AVP: variants seen among roughly 807,000 people sequenced by gnomAD.
AVP encodes vasopressin-neurophysin 2-copeptin.
A neutral mutation model predicts 11.1 loss-of-function variants in AVP; 9 were observed. The observed-to-expected ratio is 0.81, with a 90% CI of 0.49 to 1.42. The LOEUF is 1.42. Among genes scored for constraint, AVP ranks in the 40% most tolerant of loss-of-function variants. AVP has a pLI of 0.00. For missense variants in AVP, 206 were observed against 238.5 expected (o/e 0.86, Z 0.90); for synonymous variants, 106 against 111.3 (o/e 0.95, Z 0.30).
chr20:3,084,092 A>C (rs1051356416), intron 1 of AVP, among the ~76,000 whole-genome samples: 2 of 152,206 alleles, frequency 1.3e-5, no homozygotes, highest in African/African-American at 4.8e-5. Flanking sequence ...AAGCGCGCTC[A>C]GACCAGTGGC....
In AVP at chr20:3,083,219, G is replaced by T; in HGVS notation, c.121-41C>A. The T allele has an allele frequency of 7.0e-7, 1 of 1,434,202 alleles. No homozygotes were observed. Among genetic ancestry groups the T allele is most frequent in the Non-Finnish European group, 9.1e-7 (1 of 1,093,394 alleles). 88.8% of individuals were successfully genotyped at this position (1,434,202 alleles called of 1,614,324 possible). ...GGGTGAGCGGGAGGAGGGGAGCCGG[G>T]AGTCGAGGGGTTGGAGGGGAACGCA... is the stretch of plus-strand genomic sequence containing the variant. On this transcript the variant is annotated intron_variant, in intron 1 of 2. Transcript: ENST00000380293. The surrounding 1 kb of genome is among the most constrained non-coding windows in gnomAD (Gnocchi z 5.4).
chr20:3,082,634 T>G lies in AVP; in HGVS notation c.491A>C (p.Tyr164Ser). The G allele has an allele frequency of 7.9e-7, 1 of 1,264,384 alleles. No homozygotes were observed. The allele number at this position is 1,264,384 out of a possible 1,614,324, so 78.3% of individuals were successfully genotyped here. A position where few individuals can be genotyped will look rare whatever the true frequency, so the allele number is the denominator to read the frequency against. ...EPFEPAQPDA[Y>S] ...CCGGTGGGGCGAGCGCGGGGCTCAG[T>G]AGGCGTCGGGCTGGGCGGGCTCGAA... is the stretch of plus-strand genomic sequence containing the variant. The change falls in exon 3 of 3, where the codon TAC becomes TCC. Residue 164 changes from tyrosine (Y) to serine (S), a missense_variant. By Grantham distance (144) the Tyr-to-Ser change is moderately radical. Around this residue, in one of 2 missense-constraint regions of AVP, gnomAD observed 106 missense variants for 89.2 expected, o/e 1.19. Transcript: ENST00000380293. The surrounding 1 kb of genome is among the most constrained non-coding windows in gnomAD (Gnocchi z 4.7).
chr20:3,084,528 C>A (rs1257153060), intron 1 of AVP, 27 bp downstream of exon 1: 5 of 1,613,510 alleles, frequency 3.1e-6, no homozygotes, highest in Non-Finnish European at 3.4e-6. Flanking sequence ...CTATGGCAGC[C>A]CTGAGATGGC....
Position 3,083,167 on chromosome 20 carries a change from G to T in AVP, c.132C>A (p.Cys44Ter). ...AGCAGCGGCCTTTGCCCCCGGGGCC[G>T]CAGGGGAGGCACTGCGGGGACGGGC... ...SDLELRQCLP[C>*]GPGGKGRCFG... The change falls in exon 2 of 3, where the codon TGC (cysteine) becomes TGA (stop). Residue 44 changes from cysteine (C) to a stop codon, truncating the protein, a stop_gained. Transcript: ENST00000380293. LOFTEE classifies it high-confidence loss of function. The surrounding 1 kb of genome is among the most constrained non-coding windows in gnomAD (Gnocchi z 5.4). 6.7e-7 allele frequency: 1 copy of T among 1,496,472 alleles called. No homozygotes were observed. Among genetic ancestry groups the T allele is most frequent in the Non-Finnish European group, 8.9e-7 (1 of 1,128,724 alleles). The allele number at this position is 1,496,472 out of a possible 1,614,324, so 92.7% of individuals were successfully genotyped here. A position where few individuals can be genotyped will look rare whatever the true frequency, so the allele number is the denominator to read the frequency against.
In AVP at chr20:3,084,698, G is replaced by T. The variant is rs758211093; in HGVS notation, c.-24C>A. 4 of 1,611,998 alleles carry T rather than the reference G, an allele frequency of 2.5e-6. No homozygotes were observed. The highest frequency in any genetic ancestry group is 2.5e-6 in the Non-Finnish European group (3 of 1,179,970). On this transcript the variant is annotated 5_prime_UTR_variant, in exon 1 of 3. Transcript: ENST00000380293. ...ATCCTGGTGCACACAGGTGGACCCC[G>T]TATGCAGCACTGCTTGGTGGCTCTG... is the stretch of plus-strand genomic sequence containing the variant.
At chr20:3,084,476 C>T in intron 1 of AVP, 79 bp downstream of exon 1, 1 of 1,605,806 alleles carries the variant, frequency 6.2e-7, no homozygotes, top group Non-Finnish European at 8.5e-7. Context: ...CCCATGACTT[C>T]CCTCTTTCCT....
At chr20:3,084,045 G>C (rs1309252065) in intron 1 of AVP, among the ~76,000 whole-genome samples, 1 of 152,242 alleles carries the variant, frequency 6.6e-6, no homozygotes, top group Non-Finnish European at 1.5e-5. Context: ...AATTAGGCCA[G>C]GTTCCCAGCA....
intron 1 of AVP, among the ~76,000 whole-genome samples, chr20:3,084,170 T>C (rs1430869836): frequency 6.6e-6 from 1 of 152,134 alleles, no homozygotes; most frequent in African/African-American, 2.4e-5. Context: ...AAGCCTCCAA[T>C]GCTAGGTAGG....
Position 3,082,750 on chromosome 20 carries a change from G to T in AVP, c.375C>A (p.Arg125=). 4 of 1,272,978 alleles carry T rather than the reference G, an allele frequency of 3.1e-6. No homozygotes were observed. Among genetic ancestry groups the T allele is most frequent in the Non-Finnish European group, 4.0e-6 (4 of 1,011,758 alleles). 78.9% of individuals were successfully genotyped at this position (1,272,978 alleles called of 1,614,324 possible). The stretch of plus-strand genomic sequence containing the variant: ...GCGTGGCGTTGCTCCGGTCGCTGGC[G>T]CGGGCGCGGCGGTGAAAGCCCTCGC... ...ECREGFHRRA[R]ASDRSNATQL... is the part of the protein sequence containing the mutation. Residue 125 remains arginine, a synonymous_variant, in exon 3 of 3, where the codon CGC becomes CGA. Transcript: ENST00000380293. The surrounding 1 kb of genome is among the most constrained non-coding windows in gnomAD (Gnocchi z 4.7).
At position 3,083,269 on chromosome 20, in the gene AVP, G is replaced by C; in HGVS notation, c.121-91C>G. 2 of 1,291,902 alleles carry C rather than the reference G, an allele frequency of 1.5e-6. No homozygotes were observed. The highest frequency in any genetic ancestry group is 2.0e-6 in the Non-Finnish European group (2 of 1,001,100). The allele number at this position is 1,291,902 out of a possible 1,614,324, so 80.0% of individuals were successfully genotyped here. On this transcript the variant is annotated intron_variant, in intron 1 of 2. Coordinates refer to ENST00000380293, the MANE Select transcript of AVP (RefSeq NM_000490.5). The surrounding 1 kb of genome is among the most constrained non-coding windows in gnomAD (Gnocchi z 5.4). Reference sequence around the variant, plus strand: ...AGCGAGGCGGGGATGCTGGGGTCCAGGGCTCGGAGTGCGGGCGGGACACCG... The same window carrying C: ...AGCGAGGCGGGGATGCTGGGGTCCACGGCTCGGAGTGCGGGCGGGACACCG...
Position 3,083,577 on chromosome 20 carries a change from C to T in AVP, c.121-399G>A, listed in dbSNP as rs2066122704. On this transcript the variant is annotated intron_variant, in intron 1 of 2. Coordinates refer to ENST00000380293, the MANE Select transcript of AVP (RefSeq NM_000490.5). The surrounding 1 kb of genome is among the most constrained non-coding windows in gnomAD (Gnocchi z 5.4). ...TCCTCGCCCTGCTGCGGCTTGAGCC[C>T]GGGCCCACCCCCTTCCCCACTACAC... Among the ~76,000 whole-genome samples, 1 of 152,124 alleles carries T rather than the reference C, an allele frequency of 6.6e-6. No homozygotes were observed. The highest frequency in any genetic ancestry group is 2.4e-5 in the African/African-American group (1 of 41,430).
rs1471025944 is a variant in AVP at position 3,084,661 on chromosome 20, A to G, written c.14T>C (p.Met5Thr). ...TAGGCCGAGGAAGCAGGCGGGCAGCATGGTGTCAGGCATCCTGGTGCACAC... is the reference window on the plus strand; with the variant it reads ...TAGGCCGAGGAAGCAGGCGGGCAGCGTGGTGTCAGGCATCCTGGTGCACAC... MPDT[M>T]LPACFLGLLA... Residue 5 changes from methionine (M) to threonine (T), a missense_variant, in exon 1 of 3, where the codon ATG becomes ACG. Transcript: ENST00000380293. The G allele has an allele frequency of 1.2e-6, 2 of 1,613,434 alleles. No individual in the cohort carries two copies. The highest frequency in any genetic ancestry group is 8.5e-7 in the Non-Finnish European group (1 of 1,180,030).
At position 3,083,884 on chromosome 20, in the gene AVP, C is replaced by T. The variant is rs192233162; in HGVS notation, c.120+671G>A. Among the ~76,000 whole-genome samples, 2 of 152,222 alleles carry T rather than the reference C, an allele frequency of 1.3e-5. No homozygotes were observed. Among genetic ancestry groups the T allele is most frequent in the African/African-American group, 2.4e-5 (1 of 41,460 alleles). On this transcript the variant is annotated intron_variant, in intron 1 of 2. Transcript: ENST00000380293. This position sits in a 1 kb window ranked among gnomAD's most constrained non-coding sequence, Gnocchi z 5.4. ...ATCTGCTCAACAGCCGGTTCTCTGG[C>T]GCAATGGATAGCGCATTAGACTTTT...
rs769495733 is a variant in AVP, at chr20:3,084,621, G to A, written c.54C>T (p.Ser18=). The change falls in exon 1 of 3, where the codon TCC becomes TCT. Residue 18 remains serine (S), a synonymous_variant. Coordinates refer to ENST00000380293, the MANE Select transcript of AVP (RefSeq NM_000490.5). ...TCGGGCAGTTCTGGAAGTAGCACGC[G>A]GAGGAGAAGGCCAGTAGGCCGAGGA... ...ACFLGLLAFS[S]ACYFQNCPRG... is the part of the protein sequence containing the mutation. The A allele has an allele frequency of 3.9e-5, 63 of 1,613,768 alleles. 1 individual carries two copies. The highest frequency in any genetic ancestry group is 1.1e-4 in the South Asian group (10 of 91,090).
intron 1 of AVP, among the ~76,000 whole-genome samples, chr20:3,084,102 C>T (rs942724967): frequency 2.6e-5 from 4 of 152,296 alleles, no homozygotes; most frequent in African/African-American, 9.6e-5. Flanking sequence ...AGACCAGTGG[C>T]CATCTTCTGT....
chr20:3,083,137 C>T lies in AVP; in HGVS notation c.162G>A (p.Gly54=). The change falls in exon 2 of 3, where the codon GGG becomes GGA. Residue 54 remains glycine (G), a synonymous_variant. Coordinates refer to ENST00000380293, the MANE Select transcript of AVP (RefSeq NM_000490.5). This position sits in a 1 kb window ranked among gnomAD's most constrained non-coding sequence, Gnocchi z 5.4. ...GCTCGTCCGCGCAGCAGATGCTGGGCCCGAAGCAGCGGCCTTTGCCCCCGG... is the reference window on the plus strand; with the variant it reads ...GCTCGTCCGCGCAGCAGATGCTGGGTCCGAAGCAGCGGCCTTTGCCCCCGG... The part of the protein sequence containing the change: ...CGPGGKGRCF[G]PSICCADELG... The T allele has an allele frequency of 6.6e-7, 1 of 1,524,160 alleles. No homozygotes were observed. The highest frequency in any genetic ancestry group is 8.7e-7 in the Non-Finnish European group (1 of 1,144,330). The allele number at this position is 1,524,160 out of a possible 1,614,324, so 94.4% of individuals were successfully genotyped here.
At chr20:3,084,446 T>C in intron 1 of AVP, 109 bp downstream of exon 1, 1 of 1,577,244 alleles carries the variant, frequency 6.3e-7, no homozygotes, top group Non-Finnish European at 8.6e-7. Flanking sequence ...CCCCCGAACT[T>C]CCCCTAAAGG....
In AVP at chr20:3,082,978, G is replaced by A. The variant is rs772747008; in HGVS notation, c.321C>T (p.Asp107=). The A allele has an allele frequency of 4.6e-6, 5 of 1,079,860 alleles. No individual in the cohort carries two copies. In the East Asian group the frequency reaches 2.1e-4, roughly 46 times the overall value. 66.9% of individuals were successfully genotyped at this position (1,079,860 alleles called of 1,614,324 possible). Residue 107 remains aspartate, a splice_region_variant and synonymous_variant, in exon 2 of 3, where the codon GAC becomes GAT. Coordinates refer to ENST00000380293, the MANE Select transcript of AVP (RefSeq NM_000490.5). This position sits in a 1 kb window ranked among gnomAD's most constrained non-coding sequence, Gnocchi z 4.7. ...RCAAFGVCCN[D]ESCVTEPECR... ...CCCAGGCCCGCCCCCGCCGCGCACC[G>A]TCGTTGCAGCAAACGCCGAAGGCGG...
At position 3,083,303 on chromosome 20, in the gene AVP, G is replaced by A. The variant is rs1276864707; in HGVS notation, c.121-125C>T. On this transcript the variant is annotated intron_variant, in intron 1 of 2. Coordinates refer to ENST00000380293, the MANE Select transcript of AVP (RefSeq NM_000490.5). This position sits in a 1 kb window ranked among gnomAD's most constrained non-coding sequence, Gnocchi z 5.4. ...GTGCGGGCGGGACACCGGGGCTGCG[G>A]CTGCAGGCACGCTCGGGCGCCACTG... 2.0e-5 allele frequency: 22 copies of A among 1,085,566 alleles called. No individual in the cohort carries two copies. Among genetic ancestry groups the A allele is most frequent in the Admixed American group, 4.1e-5 (1 of 24,250 alleles). 67.2% of individuals were successfully genotyped at this position (1,085,566 alleles called of 1,614,324 possible).
Sources: allele counts gnomAD v4.1 joint callset (sites outside exome capture counted in the v4.1 genomes callset), GRCh38; gene constraint gnomAD v4.1.1; regional missense constraint gnomAD v4.1.1; non-coding constraint Gnocchi (gnomAD v3.1); transcripts MANE v1.5; gene names NCBI Gene and HGNC (gene_info 2026-07-23, HGNC 2026-07-21).